Variants in MACROD2 observed in about 807,000 individuals in gnomAD.
The protein encoded by MACROD2 is ADP-ribose glycohydrolase MACROD2.
MACROD2 carries 36 observed loss-of-function variants against 70.4 expected under a neutral mutation model. That is an observed-to-expected ratio of 0.51 (90% CI 0.39 to 0.68). The LOEUF is 0.68. Among genes scored for constraint, MACROD2 ranks in the 30% least tolerant of loss-of-function variants. The pLI is 0.00. For synonymous variants in MACROD2, 172 were observed against 178.8 expected (o/e 0.96, Z 0.30); for missense variants, 496 against 538.4 (o/e 0.92, Z 0.78).
chr20:15,120,479 G>A (rs148017931), intron 5 of MACROD2, among the ~76,000 whole-genome samples: 2 of 152,222 alleles, frequency 1.3e-5, no homozygotes, highest in East Asian at 3.9e-4. Flanking sequence ...TTTATTTAAA[G>A]CCAGCACTCT....
intron 6 of MACROD2, among the ~76,000 whole-genome samples, chr20:15,380,149 C>A (rs939839638): frequency 1.3e-5 from 2 of 148,488 alleles, no homozygotes; most frequent in South Asian, 4.2e-4. Context: ...AAATAGCCAC[C>A]CCCATCTGTC....
At chr20:14,549,305 C>G (rs1978497203) in intron 4 of MACROD2, among the ~76,000 whole-genome samples, 1 of 152,064 alleles carries the variant, frequency 6.6e-6, no homozygotes, top group African/African-American at 2.4e-5. Context: ...ACCCCTTTAA[C>G]TGTTAATATC....
chr20:14,396,515 C>A (rs553768308), intron 3 of MACROD2, among the ~76,000 whole-genome samples: 1 of 151,950 alleles, frequency 6.6e-6, no homozygotes, highest in East Asian at 1.9e-4. Context: ...ATAGCCGTTC[C>A]GATTTTCTTG....
chr20:16,018,863 C>T (rs2066965003), intron 15 of MACROD2, among the ~76,000 whole-genome samples: 1 of 152,156 alleles, frequency 6.6e-6, no homozygotes, highest in African/African-American at 2.4e-5. Context: ...GTCTTATATG[C>T]CTTCATGACT....
At chr20:14,363,646 C>T (rs1306685494) in intron 3 of MACROD2, among the ~76,000 whole-genome samples, 2 of 148,782 alleles carry the variant, frequency 1.3e-5, no homozygotes, top group Non-Finnish European at 3.0e-5. Flanking sequence ...CAGTGAAACC[C>T]TGTCTGTACT....
At chr20:14,165,159 T>C (rs1195434288) in intron 3 of MACROD2, among the ~76,000 whole-genome samples, 1 of 152,142 alleles carries the variant, frequency 6.6e-6, no homozygotes, top group East Asian at 1.9e-4. Flanking sequence ...TGTTTAGGAC[T>C]CAGGGTTTGT....
intron 8 of MACROD2, among the ~76,000 whole-genome samples, chr20:15,616,372 A>G (rs1018116776): frequency 3.3e-5 from 5 of 151,966 alleles, no homozygotes; most frequent in Admixed American, 6.6e-5. Context: ...CCAAAGTGCT[A>G]GGATTATAGG....
At chr20:15,454,488 A>G (rs1312575577) in intron 7 of MACROD2, among the ~76,000 whole-genome samples, 1 of 151,566 alleles carries the variant, frequency 6.6e-6, no homozygotes, top group South Asian at 2.1e-4. Context: ...GGACTGCAAC[A>G]GTTGTCTAGA....
chr20:14,033,163 GT>G (rs1481951494), intron 2 of MACROD2, among the ~76,000 whole-genome samples: 2 of 143,626 alleles, frequency 1.4e-5, no homozygotes, highest in Admixed American at 7.0e-5. Flanking sequence ...AGTTGTCTTA[GT>G]TTTTTTCCCC....
intron 6 of MACROD2, among the ~76,000 whole-genome samples, chr20:15,282,874 T>C (rs1162244162): frequency 6.6e-6 from 1 of 152,168 alleles, no homozygotes; most frequent in Non-Finnish European, 1.5e-5. Flanking sequence ...CTTATGCCGC[T>C]ATGAAGAAAT....
intron 6 of MACROD2, among the ~76,000 whole-genome samples, chr20:15,241,573 T>G (rs140469670): frequency 0.013 from 2,042 of 152,234 alleles, 18 homozygotes; most frequent in Middle Eastern, 0.068. Flanking sequence ...GACAACTATG[T>G]AACCAGGCCT....
At chr20:14,790,137 A>G (rs2072431730) in intron 5 of MACROD2, among the ~76,000 whole-genome samples, 1 of 152,136 alleles carries the variant, frequency 6.6e-6, no homozygotes, top group Non-Finnish European at 1.5e-5. Context: ...TGCATATTTT[A>G]TATAAACACT....
intron 5 of MACROD2, among the ~76,000 whole-genome samples, chr20:15,200,717 C>G (rs1237754882): frequency 6.6e-6 from 1 of 152,198 alleles, no homozygotes; most frequent in Non-Finnish European, 1.5e-5. Context: ...TATAGGTAAT[C>G]TAACTGGTAT....
intron 8 of MACROD2, among the ~76,000 whole-genome samples, chr20:15,594,400 G>T (rs2048719937): frequency 6.6e-6 from 1 of 152,132 alleles, no homozygotes; most frequent in Admixed American, 6.5e-5. Flanking sequence ...TCGTACTACT[G>T]CAAACAACAT....
intron 6 of MACROD2, among the ~76,000 whole-genome samples, chr20:15,336,337 A>T (rs2078047614): frequency 6.6e-6 from 1 of 151,092 alleles, no homozygotes; most frequent in African/African-American, 2.5e-5. Flanking sequence ...CTTAACTAAG[A>T]GAAAATTACA....
chr20:15,095,807 G>A (rs1359379377), intron 5 of MACROD2, among the ~76,000 whole-genome samples: 3 of 152,000 alleles, frequency 2.0e-5, no homozygotes, highest in Admixed American at 6.6e-5. Flanking sequence ...GTGAGCCACC[G>A]TGCCCAGCCA....
intron 5 of MACROD2, among the ~76,000 whole-genome samples, chr20:14,974,989 A>G (rs949786152): frequency 3.9e-5 from 6 of 152,094 alleles, no homozygotes; most frequent in Non-Finnish European, 7.4e-5. Context: ...CCTTGGCACT[A>G]TTGACATTGT....
chr20:15,815,389 T>G (rs560813391), intron 8 of MACROD2, among the ~76,000 whole-genome samples: 2 of 151,380 alleles, frequency 1.3e-5, no homozygotes, highest in Admixed American at 1.3e-4. Flanking sequence ...TTTAACAGAG[T>G]TTTTAAATGG....
chr20:14,789,460 A>ATTCTTTTTT lies in MACROD2; in HGVS notation c.418+104503_418+104504insCTTTTTTTT, dbSNP rs1555830595. Among the ~76,000 whole-genome samples, 44 of 48,368 alleles carry ATTCTTTTTT rather than the reference A, an allele frequency of 9.1e-4. 3 individuals are homozygous for ATTCTTTTTT. The highest frequency in any genetic ancestry group is 2.4e-3 in the African/African-American group (28 of 11,674). The allele number at this position is 48,368 out of a possible 152,430, so 31.7% of individuals were successfully genotyped here. On this transcript the variant is annotated intron_variant, in intron 5 of 17. Coordinates refer to ENST00000684519, the MANE Select transcript of MACROD2 (RefSeq NM_001351661.2). ...CTTGTGGATTAATCAGGTAGTGCAA[A>ATTCTTTTTT]TTTTTTTTTTTTTTTTTTTTTTTTT...
Sources: allele counts gnomAD v4.1 joint callset (sites outside exome capture counted in the v4.1 genomes callset), GRCh38; gene constraint gnomAD v4.1.1; transcripts MANE v1.5; gene names NCBI Gene and HGNC (gene_info 2026-07-23, HGNC 2026-07-21).